The following TSHR variants were observed in gnomAD, a reference collection of about 807,000 sequenced individuals.
TSHR encodes thyrotropin receptor.
A neutral mutation model predicts 64.1 loss-of-function variants in TSHR; 51 were observed. That is an observed-to-expected ratio of 0.80 (90% CI 0.64 to 1.01). The LOEUF (loss-of-function observed/expected upper bound fraction) is 1.01. Ranked by LOEUF, TSHR falls within the 50% of genes least tolerant of loss-of-function variation. TSHR has a pLI of 0.00. For missense variants in TSHR, 877 were observed against 942.8 expected (o/e 0.93, Z 0.91); for synonymous variants, 361 against 361.9 (o/e 1.00, Z 0.03).
At chr14:81,027,950 C>G (rs1884155813) in intron 1 of TSHR, among the ~76,000 whole-genome samples, 2 of 152,004 alleles carry the variant, frequency 1.3e-5, no homozygotes. Flanking sequence ...TGATCTGAGA[C>G]TAAGGCTGAT....
At chr14:81,032,527 C>A (rs189490673) in intron 1 of TSHR, 14 of 394,746 alleles carry the variant, frequency 3.5e-5, no homozygotes, top group Admixed American at 1.9e-4. Context: ...CAAGTTCTTA[C>A]CATGGAAAAT....
At chr14:80,962,986 C>T (rs1887112314) in intron 1 of TSHR, among the ~76,000 whole-genome samples, 1 of 152,190 alleles carries the variant, frequency 6.6e-6, no homozygotes, top group South Asian at 2.1e-4. Flanking sequence ...GTTACCACCT[C>T]CCAGTGAGCA....
chr14:81,093,477 C>T (rs1888918599), intron 6 of TSHR: 2 of 152,264 alleles, frequency 1.3e-5, no homozygotes, highest in African/African-American at 4.8e-5. Context: ...AAGTTCAAGC[C>T]TGGTGAAGTT....
intron 7 of TSHR, chr14:81,099,361 T>C (rs1889424712): frequency 6.6e-6 from 1 of 152,124 alleles, no homozygotes; most frequent in African/African-American, 2.4e-5. Flanking sequence ...CAGAACTCTT[T>C]CCCTGCCCTC....
intron 8 of TSHR, among the ~76,000 whole-genome samples, chr14:81,118,973 A>C (rs1412792615): frequency 7.2e-6 from 1 of 138,858 alleles, no homozygotes. Flanking sequence ...CTGGCTAGCC[A>C]TATGTAGAAA....
chr14:81,009,180 G>A (rs1336558975), intron 1 of TSHR, among the ~76,000 whole-genome samples: 1 of 152,064 alleles, frequency 6.6e-6, no homozygotes, highest in Non-Finnish European at 1.5e-5. Context: ...ATGCTTTTAT[G>A]TCCTCTTCAT....
intron 2 of TSHR, among the ~76,000 whole-genome samples, chr14:81,065,994 GA>G (rs1886581826): frequency 6.6e-6 from 1 of 152,138 alleles, no homozygotes; most frequent in Non-Finnish European, 1.5e-5. Context: ...GTTTAAATGC[GA>G]AGAAGAAGTA....
rs1160723347 is a variant in TSHR at position 81,139,732 on chromosome 14, T to G, written c.746T>G (p.Leu249Arg). 1.2e-6 allele frequency: 2 copies of G among 1,614,108 alleles called. No individual in the cohort carries two copies. Among genetic ancestry groups the G allele is most frequent in the Non-Finnish European group, 1.7e-6 (2 of 1,180,048 alleles). The change falls in exon 9 of 10, where the codon CTG (leucine) becomes CGG (arginine). Residue 249 changes from leucine to arginine, a missense_variant. Leu to Arg is a moderately radical substitution (Grantham distance 102, BLOSUM62 -2). Coordinates refer to ENST00000298171, the MANE Select transcript of TSHR (RefSeq NM_000369.5). ...TALPSKGLEH[L>R]KELIARNTWT... Reference sequence around the variant, plus strand: ...CTTCCATCCAAAGGCCTGGAGCACCTGAAGGAACTGATAGCAAGAAACACC... The same window carrying G: ...CTTCCATCCAAAGGCCTGGAGCACCGGAAGGAACTGATAGCAAGAAACACC...
At chr14:81,107,461 A>G (rs79409765) in intron 7 of TSHR, among the ~76,000 whole-genome samples, 1,985 of 152,296 alleles carry the variant, frequency 0.013, 43 homozygotes, top group African/African-American at 0.046. Context: ...TTTTTAGATA[A>G]TTTTGTTGTG....
chr14:81,136,587 C>G (rs1891464870), intron 8 of TSHR, among the ~76,000 whole-genome samples: 1 of 152,136 alleles, frequency 6.6e-6, no homozygotes, highest in South Asian at 2.1e-4. Context: ...GTGGAGATAT[C>G]AAATAAGCAG....
At chr14:81,077,399 T>G (rs1887580369) in intron 3 of TSHR, among the ~76,000 whole-genome samples, 1 of 152,238 alleles carries the variant, frequency 6.6e-6, no homozygotes, top group Non-Finnish European at 1.5e-5. Context: ...TTAGTATATG[T>G]GTGTACACAC....
intron 3 of TSHR, among the ~76,000 whole-genome samples, chr14:81,070,640 A>T (rs1357966837): frequency 6.7e-6 from 1 of 150,094 alleles, no homozygotes; most frequent in Non-Finnish European, 1.5e-5. Flanking sequence ...AAAAAAAAAA[A>T]AAAAAAAAAA....
chr14:81,005,239 G>GCA (rs140659624), intron 1 of TSHR, among the ~76,000 whole-genome samples: 27,365 of 145,074 alleles, frequency 0.19, 3,362 homozygotes, highest in East Asian at 0.39. Context: ...GTGTGTGTGT[G>GCA]TGCACGCACG....
intron 3 of TSHR, among the ~76,000 whole-genome samples, chr14:81,082,790 T>C (rs1432347259): frequency 6.6e-6 from 1 of 152,218 alleles, no homozygotes; most frequent in African/African-American, 2.4e-5. Context: ...TGGTTTATGC[T>C]GGTCTGAAGT....
At chr14:81,067,710 T>C (rs1046585519) in intron 2 of TSHR, among the ~76,000 whole-genome samples, 3 of 148,788 alleles carry the variant, frequency 2.0e-5, no homozygotes, top group Non-Finnish European at 4.5e-5. Context: ...CATCTGTGTA[T>C]TTTAAAGGAA....
intron 1 of TSHR, among the ~76,000 whole-genome samples, chr14:81,017,400 A>C (rs1883470087): frequency 6.6e-6 from 1 of 152,170 alleles, no homozygotes; most frequent in Non-Finnish European, 1.5e-5. Context: ...CCAGTAACTC[A>C]AGGGCACCAG....
At chr14:81,120,718 A>G (rs1890755612) in intron 8 of TSHR, among the ~76,000 whole-genome samples, 1 of 152,302 alleles carries the variant, frequency 6.6e-6, no homozygotes, top group East Asian at 1.9e-4. Flanking sequence ...TGTTGAATAG[A>G]TGTGGTGACA....
At chr14:80,980,967 T>G (rs1467212382) in intron 1 of TSHR, among the ~76,000 whole-genome samples, 2 of 152,234 alleles carry the variant, frequency 1.3e-5, no homozygotes, top group African/African-American at 2.4e-5. Context: ...TGATCATGTC[T>G]TTTATGTCCT....
chr14:80,971,146 G>T (rs75999661), intron 1 of TSHR, among the ~76,000 whole-genome samples: 2 of 152,092 alleles, frequency 1.3e-5, no homozygotes, highest in Non-Finnish European at 2.9e-5. Flanking sequence ...TTAGAATGCC[G>T]CAGACTAAGC....
Sources: gnomAD v4.1 joint callset for allele counts (sites outside exome capture counted in the v4.1 genomes callset) on GRCh38, gnomAD v4.1.1 for gene constraint, MANE v1.5 for transcripts, NCBI Gene and HGNC (gene_info 2026-07-23, HGNC 2026-07-21) for gene names.